KRTDAP: variants seen among roughly 807,000 people sequenced by gnomAD.
KRTDAP encodes keratinocyte differentiation-associated protein.
In KRTDAP, 14 loss-of-function variants were observed where a neutral mutation model predicts 18.6. The ratio of observed to expected loss-of-function variants is 0.75; its 90% CI spans 0.50 to 1.18. The LOEUF (loss-of-function observed/expected upper bound fraction) is 1.18. Among genes scored for constraint, KRTDAP ranks in the 50% most tolerant of loss-of-function variants. KRTDAP has a pLI of 0.00. For synonymous variants in KRTDAP, 53 were observed against 49.5 expected (o/e 1.07, Z -0.29); for missense variants, 114 against 121.3 (o/e 0.94, Z 0.28).
Position 35,487,402 on chromosome 19 carries a change from G to A in KRTDAP, c.*26C>T. On this transcript the variant is annotated 3_prime_UTR_variant, in exon 6 of 6. Coordinates refer to ENST00000338897, the MANE Select transcript of KRTDAP (RefSeq NM_207392.3). ...AGGTTGAGAATCAGCGCTCACGCTA[G>A]CCCCCTCTTCCAGTGGAGGTCATGG... is the stretch of plus-strand genomic sequence containing the variant. 1 of 1,610,372 alleles carries A rather than the reference G, an allele frequency of 6.2e-7. No homozygotes were observed. The highest frequency in any genetic ancestry group is 8.5e-7 in the Non-Finnish European group (1 of 1,176,496).
chr19:35,489,042 A>G (rs1357118397), intron 1 of KRTDAP, among the ~76,000 whole-genome samples: 2 of 152,208 alleles, frequency 1.3e-5, no homozygotes, highest in Non-Finnish European at 2.9e-5. Flanking sequence ...AGAATGGTAC[A>G]TGTAAGCAGT....
At chr19:35,490,095 C>A (rs1019306267) in intron 1 of KRTDAP, among the ~76,000 whole-genome samples, 11 of 152,066 alleles carry the variant, frequency 7.2e-5, no homozygotes, top group African/African-American at 2.4e-4. Context: ...TGAACCCAGA[C>A]CACCCACTCA....
intron 5 of KRTDAP, 25 bp downstream of exon 5, chr19:35,487,687 C>A (rs2067498892): frequency 6.2e-7 from 1 of 1,601,432 alleles, no homozygotes; most frequent in Non-Finnish European, 8.6e-7. Flanking sequence ...AAGCTCCATA[C>A]CCTCCTAATG....
rs776071304 is a variant in KRTDAP, at chr19:35,487,778, AAG to A, written c.214-21_214-20del. On this transcript the variant is annotated intron_variant, in intron 4 of 5. Coordinates refer to ENST00000338897, the MANE Select transcript of KRTDAP (RefSeq NM_207392.3). ...TGATAGACTAAAAGAAAGAAAGAGA[AAG>A]AGAGTGATGTGTTGCAGGTCAGCCG... 2 of 1,601,482 alleles carry A rather than the reference AAG, an allele frequency of 1.2e-6. No individual in the cohort carries two copies. Among genetic ancestry groups the A allele is most frequent in the South Asian group, 2.2e-5 (2 of 90,808 alleles).
Position 35,487,392 on chromosome 19 carries a change from G to A in KRTDAP, c.*36C>T, listed in dbSNP as rs375358244. 606 of 1,602,796 alleles carry A rather than the reference G, an allele frequency of 3.8e-4. No individual in the cohort carries two copies. Among genetic ancestry groups the A allele is most frequent in the Non-Finnish European group, 4.9e-4 (577 of 1,169,554 alleles). ...GAGTTATGGTAGGTTGAGAATCAGC[G>A]CTCACGCTAGCCCCCTCTTCCAGTG... On this transcript the variant is annotated 3_prime_UTR_variant, in exon 6 of 6. Coordinates refer to ENST00000338897, the MANE Select transcript of KRTDAP (RefSeq NM_207392.3).
chr19:35,487,756 T>C lies in KRTDAP; in HGVS notation c.217A>G (p.Ile73Val), dbSNP rs2067499465. 6.2e-7 allele frequency: 1 copy of C among 1,612,354 alleles called. No individual in the cohort carries two copies. ...FLNWHALFES[I>V]KRKLPFLNWD... ...TTGAGGAAAGGAAGTTTCCTTTTGA[T>C]AGACTAAAAGAAAGAAAGAGAAAGA... is the stretch of plus-strand genomic sequence containing the variant. Residue 73 changes from isoleucine to valine, a missense_variant, in exon 5 of 6, where the codon ATC (isoleucine) becomes GTC (valine). Ile to Val is a conservative substitution (Grantham distance 29, BLOSUM62 3). Coordinates refer to ENST00000338897, the MANE Select transcript of KRTDAP (RefSeq NM_207392.3).
chr19:35,487,527 T>C, intron 5 of KRTDAP, 61 bp from the exon 6 acceptor site: 1 of 1,459,398 alleles, frequency 6.9e-7, no homozygotes, highest in East Asian at 2.3e-5. Context: ...TAGGATGGCA[T>C]GGATGGAAAG....
intron 4 of KRTDAP, 98 bp downstream of exon 4, chr19:35,488,343 T>A (rs2067503221): frequency 2.4e-6 from 3 of 1,256,496 alleles, no homozygotes. Flanking sequence ...CTCCCAGAGA[T>A]CAGGAACCAA....
intron 3 of KRTDAP, 36 bp from the exon 4 acceptor site, chr19:35,488,521 T>G (rs780825493): frequency 5.1e-5 from 83 of 1,612,898 alleles, no homozygotes; most frequent in Non-Finnish European, 7.0e-5. Context: ...GCAGGTCAGC[T>G]CCAGGGGAGG....
intron 1 of KRTDAP, among the ~76,000 whole-genome samples, chr19:35,489,110 AGCTAGT>A (rs1312774242): frequency 2.0e-5 from 3 of 152,222 alleles, no homozygotes; most frequent in African/African-American, 7.2e-5. Flanking sequence ...CGGAAAAGCT[AGCTAGT>A]GCTGTCCTGC....
At position 35,487,326 on chromosome 19, in the gene KRTDAP, T is replaced by C; in HGVS notation, c.*102A>G. On this transcript the variant is annotated 3_prime_UTR_variant, in exon 6 of 6. Transcript: ENST00000338897. ...GACAGAGACGCAGATACAGGAGCTG[T>C]TGGATGGAAAATGTTTTATTGGAGT... 2 of 1,100,568 alleles carry C rather than the reference T, an allele frequency of 1.8e-6. No homozygotes were observed. Among genetic ancestry groups the C allele is most frequent in the South Asian group, 2.5e-5 (2 of 80,664 alleles). The allele number at this position is 1,100,568 out of a possible 1,614,324, so 68.2% of individuals were successfully genotyped here.
At chr19:35,488,296 AG>A in intron 4 of KRTDAP, 144 bp downstream of exon 4, 1 of 802,608 alleles carries the variant, frequency 1.2e-6, no homozygotes, top group Non-Finnish European at 2.0e-6. Flanking sequence ...TTCCGTTGAC[AG>A]CCCATTGGGC....
In KRTDAP at chr19:35,487,983, G is replaced by A. The variant is rs772294000; in HGVS notation, c.214-224C>T. Among the ~76,000 whole-genome samples, 62 of 152,158 alleles carry A rather than the reference G, an allele frequency of 4.1e-4. 1 individual carries two copies. Among genetic ancestry groups the A allele is most frequent in the Admixed American group, 2.3e-3 (35 of 15,290 alleles). ...CAGTGGGTTTTTACAGCAACCTTTT[G>A]TGGTGGGAATTGTCATCATCCCCAC... On this transcript the variant is annotated intron_variant, in intron 4 of 5. Coordinates refer to ENST00000338897, the MANE Select transcript of KRTDAP (RefSeq NM_207392.3).
At position 35,487,414 on chromosome 19, in the gene KRTDAP, A is replaced by G. The variant is rs542915295; in HGVS notation, c.*14T>C. On this transcript the variant is annotated 3_prime_UTR_variant, in exon 6 of 6. Transcript: ENST00000338897. ...AGCGCTCACGCTAGCCCCCTCTTCCAGTGGAGGTCATGGTCACTGGGCATC... is the reference window on the plus strand; with the variant it reads ...AGCGCTCACGCTAGCCCCCTCTTCCGGTGGAGGTCATGGTCACTGGGCATC... 57 of 1,613,276 alleles carry G rather than the reference A, an allele frequency of 3.5e-5. No individual in the cohort carries two copies. The East Asian group carries it at 5.1e-4, about 15-fold the overall frequency.
rs575108952 is a variant in KRTDAP, at chr19:35,488,856, G to A, written c.88-16C>T. 2 of 1,613,464 alleles carry A rather than the reference G, an allele frequency of 1.2e-6. No homozygotes were observed. Among genetic ancestry groups the A allele is most frequent in the South Asian group, 1.1e-5 (1 of 90,858 alleles). ...TGCTTTCTTCCTGGAAAAGGAGAGGGAGAAAAGGCGGCAGGGGGTCACGTG... is the reference window on the plus strand; with the variant it reads ...TGCTTTCTTCCTGGAAAAGGAGAGGAAGAAAAGGCGGCAGGGGGTCACGTG... On this transcript the variant is annotated splice_polypyrimidine_tract_variant and intron_variant, in intron 1 of 5. Coordinates refer to ENST00000338897, the MANE Select transcript of KRTDAP (RefSeq NM_207392.3).
intron 3 of KRTDAP, 87 bp from the exon 4 acceptor site, chr19:35,488,572 C>T (rs1166000804): frequency 5.6e-6 from 9 of 1,607,312 alleles, no homozygotes; most frequent in African/African-American, 1.3e-5. Flanking sequence ...GGTGAAGGAA[C>T]CGTGGCAGCT....
intron 2 of KRTDAP, 35 bp downstream of exon 2, chr19:35,488,767 C>G: frequency 6.2e-7 from 1 of 1,614,118 alleles, no homozygotes; most frequent in South Asian, 1.1e-5. Context: ...AGGACAGACT[C>G]GTGGCTGGAG....
chr19:35,490,326 T>A, intron 1 of KRTDAP, 30 bp downstream of exon 1: 3 of 1,456,972 alleles, frequency 2.1e-6, no homozygotes, highest in East Asian at 2.3e-5. Context: ...GTAACACGTA[T>A]AAGAATAAAA....
At position 35,487,373 on chromosome 19, in the gene KRTDAP, T is replaced by C. The variant is rs2067496749; in HGVS notation, c.*55A>G. On this transcript the variant is annotated 3_prime_UTR_variant, in exon 6 of 6. Transcript: ENST00000338897. ...GAGTTCCTGAGGCAGGAAAGAGTTATGGTAGGTTGAGAATCAGCGCTCACG... is the reference window on the plus strand; with the variant it reads ...GAGTTCCTGAGGCAGGAAAGAGTTACGGTAGGTTGAGAATCAGCGCTCACG... 6.5e-7 allele frequency: 1 copy of C among 1,529,600 alleles called. No homozygotes were observed. The highest frequency in any genetic ancestry group is 9.1e-7 in the Non-Finnish European group (1 of 1,102,150). 94.8% of individuals were successfully genotyped at this position (1,529,600 alleles called of 1,614,324 possible).
Sources: gnomAD v4.1 joint callset for allele counts (sites outside exome capture counted in the v4.1 genomes callset) on GRCh38, gnomAD v4.1.1 for gene constraint, MANE v1.5 for transcripts, NCBI Gene and HGNC (gene_info 2026-07-23, HGNC 2026-07-21) for gene names.